RPS6KA5: variants seen among roughly 807,000 people sequenced by gnomAD.
RPS6KA5 encodes ribosomal protein S6 kinase A5.
In RPS6KA5, 27 loss-of-function variants were observed where a neutral mutation model predicts 85.5. The ratio of observed to expected loss-of-function variants is 0.32; its 90% CI spans 0.23 to 0.44. The LOEUF (loss-of-function observed/expected upper bound fraction) is 0.44. Among genes scored for constraint, RPS6KA5 ranks in the 20% least tolerant of loss-of-function variants. RPS6KA5 has a pLI of 1.00. For synonymous variants in RPS6KA5, 334 were observed against 348.2 expected, an observed-to-expected ratio of 0.96 and a Z score of 0.46; for missense variants, 811 against 980.9, an observed-to-expected ratio of 0.83 and a Z score of 2.31.
rs145309232 is a variant in RPS6KA5, at chr14:90,934,131, C to T, written c.618+8947G>A. On this transcript the variant is annotated intron_variant, in intron 5 of 16. Transcript: ENST00000614987. The stretch of plus-strand genomic sequence containing the variant: ...ACTTATTTCTTATTGTCTGCCTCCC[C>T]GTGTAAAGGAAGAATTTGTGTCCAT... Among the ~76,000 whole-genome samples the T allele has an allele frequency of 4.6e-4, 70 of 152,236 alleles. No homozygotes were observed. In the South Asian group the frequency reaches 6.4e-3, roughly 14 times the overall value.
At position 91,001,107 on chromosome 14, in the gene RPS6KA5, C is replaced by T; in HGVS notation, c.156G>A (p.Leu52=). Residue 52 remains leucine (L), a synonymous_variant, in exon 2 of 17, where the codon CTG becomes CTA. Transcript: ENST00000614987. ...EKVGIENFEL[L]KVLGTGAYGK... ...ACTTACCTCCAGTTCCTAGGACCTTCAGGAGCTCAAAATTTTCTATTCCCA... is the reference window on the plus strand; with the variant it reads ...ACTTACCTCCAGTTCCTAGGACCTTTAGGAGCTCAAAATTTTCTATTCCCA... The T allele has an allele frequency of 6.3e-7, 1 of 1,595,612 alleles. No individual in the cohort carries two copies. The highest frequency in any genetic ancestry group is 8.5e-7 in the Non-Finnish European group (1 of 1,169,700).
At position 91,060,423 on chromosome 14, in the gene RPS6KA5, C is replaced by G. The variant is rs2043617214; in HGVS notation, c.12G>C (p.Glu4Asp). The change falls in exon 1 of 17, where the codon GAG (glutamate) becomes GAC (aspartate). Residue 4 changes from glutamate to aspartate, a missense_variant. Transcript: ENST00000614987. MEEEGGSSGGAAGT... is the reference protein window; with the variant it reads MEEDGGSSGGAAGT... Reference sequence around the variant, plus strand: ...CCGCGGCGCCGCCGCTGCTGCCACCCTCCTCCTCCATCTTCTCCTTTTTTT... The same window carrying G: ...CCGCGGCGCCGCCGCTGCTGCCACCGTCCTCCTCCATCTTCTCCTTTTTTT... 16 of 1,496,654 alleles carry G rather than the reference C, an allele frequency of 1.1e-5. No individual in the cohort carries two copies. The highest frequency in any genetic ancestry group is 1.3e-5 in the Non-Finnish European group (14 of 1,115,374). 92.7% of individuals were successfully genotyped at this position (1,496,654 alleles called of 1,614,324 possible).
chr14:90,897,738 C>CATT (rs774183085), intron 12 of RPS6KA5, among the ~76,000 whole-genome samples: 25 of 152,198 alleles, frequency 1.6e-4, no homozygotes, highest in African/African-American at 6.0e-4. Context: ...TGGGACCTGA[C>CATT]ATTAGTCTGA....
intron 2 of RPS6KA5, among the ~76,000 whole-genome samples, chr14:90,984,681 T>C (rs2039983171): frequency 6.6e-6 from 1 of 152,218 alleles, no homozygotes. Context: ...TTCAGCTTGC[T>C]TTTCCAAATG....
intron 1 of RPS6KA5, among the ~76,000 whole-genome samples, chr14:91,006,086 C>CCCAA (rs2041008052): frequency 1.3e-5 from 2 of 152,112 alleles, no homozygotes; most frequent in Non-Finnish European, 2.9e-5. Flanking sequence ...CATGCCTTTG[C>CCCAA]CCAACCCCCT....
intron 5 of RPS6KA5, among the ~76,000 whole-genome samples, chr14:90,937,711 AAGAG>A (rs1434138883): frequency 6.6e-6 from 1 of 151,960 alleles, no homozygotes; most frequent in East Asian, 1.9e-4. Flanking sequence ...GAAGCAGATA[AAGAG>A]AGAGAGAACT....
At chr14:90,932,945 T>C (rs773583565) in intron 5 of RPS6KA5, among the ~76,000 whole-genome samples, 7 of 152,160 alleles carry the variant, frequency 4.6e-5, no homozygotes, top group Non-Finnish European at 1.0e-4. Flanking sequence ...GAAAAAACCC[T>C]CTTTTCATCC....
chr14:90,923,049 TA>T, intron 6 of RPS6KA5, 63 bp downstream of exon 6: 1 of 1,210,738 alleles, frequency 8.3e-7, no homozygotes, highest in Non-Finnish European at 1.2e-6. Context: ...CCTAAGTTGT[TA>T]ACTAGGATTC....
At chr14:91,034,763 T>C (rs2042332141) in intron 1 of RPS6KA5, among the ~76,000 whole-genome samples, 1 of 152,132 alleles carries the variant, frequency 6.6e-6, no homozygotes, top group Non-Finnish European at 1.5e-5. Flanking sequence ...CTTTAAGAGG[T>C]GTAACACTCA....
intron 3 of RPS6KA5, among the ~76,000 whole-genome samples, chr14:90,960,917 T>C (rs1166199851): frequency 6.6e-6 from 1 of 152,226 alleles, no homozygotes; most frequent in Non-Finnish European, 1.5e-5. Context: ...TTTTTGTCTC[T>C]GTGGACATAC....
intron 14 of RPS6KA5, among the ~76,000 whole-genome samples, chr14:90,883,504 A>C (rs888074973): frequency 1.3e-5 from 2 of 151,600 alleles, no homozygotes; most frequent in African/African-American, 4.9e-5. Context: ...CTATCTCTTT[A>C]CTGTTATTTC....
At chr14:90,962,701 T>A (rs890955615) in intron 3 of RPS6KA5, among the ~76,000 whole-genome samples, 1 of 152,118 alleles carries the variant, frequency 6.6e-6, no homozygotes, top group Non-Finnish European at 1.5e-5. Flanking sequence ...TAGTACAAAA[T>A]TTTGGCACGA....
intron 1 of RPS6KA5, among the ~76,000 whole-genome samples, chr14:91,021,614 T>C (rs973431524): frequency 1.3e-5 from 2 of 152,202 alleles, no homozygotes; most frequent in Admixed American, 6.5e-5. Flanking sequence ...GGATTCATCA[T>C]ACTGGTCAGG....
chr14:90,873,504 TA>T, intron 16 of RPS6KA5, 127 bp downstream of exon 16: 1 of 880,078 alleles, frequency 1.1e-6, no homozygotes, highest in Non-Finnish European at 1.7e-6. Flanking sequence ...AAAACATACC[TA>T]AAAGTAAAAG....
intron 1 of RPS6KA5, among the ~76,000 whole-genome samples, chr14:91,012,697 G>A (rs1311835292): frequency 3.3e-5 from 5 of 152,164 alleles, no homozygotes; most frequent in African/African-American, 1.2e-4. Flanking sequence ...TGAGGACACA[G>A]CTCACCAACT....
chr14:90,923,393 C>A (rs76800977), intron 5 of RPS6KA5, among the ~76,000 whole-genome samples, 197 bp from the exon 6 acceptor site: 1 of 152,120 alleles, frequency 6.6e-6, no homozygotes, highest in Non-Finnish European at 1.5e-5. Flanking sequence ...CATCCCATCC[C>A]ATCAGAAAGA....
intron 2 of RPS6KA5, 114 bp downstream of exon 2, chr14:91,000,974 A>G: frequency 1.7e-6 from 1 of 601,612 alleles, no homozygotes; most frequent in East Asian, 3.0e-5. Flanking sequence ...AGTTCTCCTA[A>G]TGGATTCCTC....
intron 5 of RPS6KA5, among the ~76,000 whole-genome samples, chr14:90,927,648 TA>T (rs758264857): frequency 5.3e-5 from 8 of 152,084 alleles, no homozygotes; most frequent in Non-Finnish European, 1.2e-4. Context: ...ACTAGGGAAA[TA>T]ACTCTATTCC....
At chr14:90,935,580 T>C (rs1302784252) in intron 5 of RPS6KA5, among the ~76,000 whole-genome samples, 1 of 151,982 alleles carries the variant, frequency 6.6e-6, no homozygotes, top group African/African-American at 2.4e-5. Context: ...CAGAAAAAGA[T>C]CCCCCTAACT....
Sources: gnomAD v4.1 joint callset for allele counts (sites outside exome capture counted in the v4.1 genomes callset) on GRCh38, gnomAD v4.1.1 for gene constraint, MANE v1.5 for transcripts, NCBI Gene and HGNC (gene_info 2026-07-23, HGNC 2026-07-21) for gene names.